TACC1: variants seen among roughly 807,000 people sequenced by gnomAD.
TACC1 encodes the protein transforming acidic coiled-coil containing protein 1.
TACC1 carries 48 observed loss-of-function variants against 84.4 expected under a neutral mutation model. That is an observed-to-expected ratio of 0.57 (90% CI 0.45 to 0.72). The LOEUF (loss-of-function observed/expected upper bound fraction) is 0.72. Ranked by LOEUF, TACC1 falls within the 30% of genes least tolerant of loss-of-function variation. TACC1 has a pLI of 0.00. For missense variants in TACC1, 920 were observed against 973.0 expected, an observed-to-expected ratio of 0.95 and a Z score of 0.72; for synonymous variants, 372 against 376.3, an observed-to-expected ratio of 0.99 and a Z score of 0.13.
At chr8:38,732,435 A>C (rs6474497) in intron 1 of TACC1, among the ~76,000 whole-genome samples, 83,466 of 151,872 alleles carry the variant, frequency 0.55, 23,660 homozygotes, top group East Asian at 0.89. Flanking sequence ...ACAACAACAA[A>C]AAAAAACCCA....
At chr8:38,766,661 G>A (rs1812313499) in intron 3 of TACC1, among the ~76,000 whole-genome samples, 2 of 152,172 alleles carry the variant, frequency 1.3e-5, no homozygotes, top group Non-Finnish European at 2.9e-5. Flanking sequence ...TGTGAAATGA[G>A]GACTGTCAGA....
chr8:38,753,905 T>TTTTCTTTCTTTCTTTC lies in TACC1; in HGVS notation c.26+8423_26+8438dup, dbSNP rs9298641. ...AGGCTTCACTCTTTCCTCTTTTTCT[T>TTTTCTTTCTTTCTTTC]TTTCTTTCTTTCTTTCTTTCTTTCT... On this transcript the variant is annotated intron_variant, in intron 3 of 14. Coordinates refer to the TACC1 transcript ENST00000518415. Among the ~76,000 whole-genome samples, 86 of 124,600 alleles carry TTTTCTTTCTTTCTTTC rather than the reference T, an allele frequency of 6.9e-4. 8 individuals carry two copies. Among genetic ancestry groups the TTTTCTTTCTTTCTTTC allele is most frequent in the Non-Finnish European group, 8.9e-4 (51 of 57,506 alleles). The allele number at this position is 124,600 out of a possible 152,430, so 81.7% of individuals were successfully genotyped here.
chr8:38,847,029 A>G (rs1348913693), intron 12 of TACC1, among the ~76,000 whole-genome samples: 1 of 152,254 alleles, frequency 6.6e-6, no homozygotes, highest in African/African-American at 2.4e-5. Flanking sequence ...ATCCACAGGC[A>G]GGGTGCAGAG....
chr8:38,828,924 G>A (rs1482371888), intron 5 of TACC1, among the ~76,000 whole-genome samples: 5 of 152,216 alleles, frequency 3.3e-5, no homozygotes, highest in African/African-American at 1.2e-4. Flanking sequence ...AATTTTCCTG[G>A]TACAGATGTG....
chr8:38,736,114 T>C (rs944552019), intron 1 of TACC1, among the ~76,000 whole-genome samples: 10 of 152,194 alleles, frequency 6.6e-5, no homozygotes, highest in Non-Finnish European at 1.3e-4. Context: ...CATGTCCTTT[T>C]GATGTTGACC....
At chr8:38,833,740 G>C (rs1232149560) in intron 6 of TACC1, among the ~76,000 whole-genome samples, 1 of 152,188 alleles carries the variant, frequency 6.6e-6, no homozygotes, top group Admixed American at 6.5e-5. Context: ...TGGCTATGAA[G>C]ATTTTTAGGG....
intron 1 of TACC1, among the ~76,000 whole-genome samples, chr8:38,732,836 C>A (rs1805228224): frequency 6.6e-6 from 1 of 152,140 alleles, no homozygotes; most frequent in South Asian, 2.1e-4. Context: ...TGCTTAAACC[C>A]AACATTATAG....
intron 3 of TACC1, among the ~76,000 whole-genome samples, chr8:38,748,577 G>A (rs2151727073): frequency 6.6e-6 from 1 of 152,158 alleles, no homozygotes; most frequent in Non-Finnish European, 1.5e-5. Flanking sequence ...ATATTAAAAA[G>A]GTTGAAATCA....
chr8:38,774,670 T>C (rs1385805708), intron 3 of TACC1, among the ~76,000 whole-genome samples: 1 of 152,064 alleles, frequency 6.6e-6, no homozygotes, highest in East Asian at 1.9e-4. Context: ...TTTTTTTTTG[T>C]TTTTGTTTTT....
rs557913281 is a variant in TACC1, at chr8:38,827,388, A to G, written c.1660+13A>G. 1 of 1,613,364 alleles carries G rather than the reference A, an allele frequency of 6.2e-7. No individual in the cohort carries two copies. The highest frequency in any genetic ancestry group is 8.5e-7 in the Non-Finnish European group (1 of 1,179,284). ...TCCTCAGAAGCAGGTATGGAAGCAT[A>G]TCTTCATCTTTCTAATGTACATAAG... On this transcript the variant is annotated intron_variant, in intron 5 of 12. Transcript: ENST00000317827.
intron 11 of TACC1, among the ~76,000 whole-genome samples, chr8:38,845,404 A>ATT (rs1428523198): frequency 1.3e-5 from 2 of 152,144 alleles, no homozygotes; most frequent in Non-Finnish European, 2.9e-5. Flanking sequence ...ACGTAGGTTT[A>ATT]TTGTATATCC....
chr8:38,802,644 A>G (rs370943669), intron 2 of TACC1, among the ~76,000 whole-genome samples: 1 of 152,200 alleles, frequency 6.6e-6, no homozygotes, highest in Admixed American at 6.5e-5. Flanking sequence ...TTGGCTCACA[A>G]TTCTATAGGC....
intron 2 of TACC1, among the ~76,000 whole-genome samples, chr8:38,815,790 G>A (rs1248510694): frequency 2.0e-5 from 3 of 151,848 alleles, no homozygotes; most frequent in Non-Finnish European, 4.4e-5. Context: ...AAAAACAGTG[G>A]GATTTGTGAG....
chr8:38,747,902 T>C (rs1808357205), intron 3 of TACC1, among the ~76,000 whole-genome samples: 1 of 152,130 alleles, frequency 6.6e-6, no homozygotes, highest in Admixed American at 6.5e-5. Context: ...TTGTAGCAAA[T>C]GCACCACTCT....
At chr8:38,738,960 G>C (rs188379516) in intron 1 of TACC1, among the ~76,000 whole-genome samples, 4 of 151,976 alleles carry the variant, frequency 2.6e-5, no homozygotes, top group African/African-American at 7.3e-5. Context: ...GCACAATCTC[G>C]GCTCACTGCA....
At chr8:38,744,098 C>A (rs905874173) in intron 2 of TACC1, 1 of 152,124 alleles carries the variant, frequency 6.6e-6, no homozygotes, top group African/African-American at 2.4e-5. Context: ...TCTACTCTAT[C>A]CCCCTTCTCA....
intron 2 of TACC1, among the ~76,000 whole-genome samples, chr8:38,813,345 T>C (rs948289707): frequency 3.3e-5 from 5 of 152,188 alleles, no homozygotes; most frequent in African/African-American, 1.2e-4. Context: ...ATTTAACATA[T>C]GGTTTAGCAC....
intron 2 of TACC1, among the ~76,000 whole-genome samples, chr8:38,817,936 A>AC (rs1162744790): frequency 2.7e-5 from 4 of 149,430 alleles, no homozygotes; most frequent in South Asian, 2.1e-4. Context: ...AAAAAAAAAA[A>AC]AAAAAAAAAA....
At chr8:38,816,982 C>T (rs1466047534) in intron 2 of TACC1, among the ~76,000 whole-genome samples, 1 of 152,132 alleles carries the variant, frequency 6.6e-6, no homozygotes, top group Non-Finnish European at 1.5e-5. Context: ...CAAGGGACCC[C>T]CAGCACCCAG....
Sources: gnomAD v4.1 joint callset for allele counts (sites outside exome capture counted in the v4.1 genomes callset) on GRCh38, gnomAD v4.1.1 for gene constraint, MANE v1.5 for transcripts, NCBI Gene and HGNC (gene_info 2026-07-23, HGNC 2026-07-21) for gene names.